Variants in HBS1L observed in about 807,000 individuals in gnomAD.
HBS1L encodes the protein HBS1 like translational GTPase.
HBS1L carries 55 observed loss-of-function variants against 88.9 expected under a neutral mutation model. The observed-to-expected ratio is 0.62, with a 90% CI of 0.50 to 0.77. HBS1L has a LOEUF of 0.77. HBS1L is among the 30% of genes least tolerant of loss of function. The pLI is 0.00. For missense variants in HBS1L, 741 were observed against 829.3 expected (o/e 0.89, Z 1.31); for synonymous variants, 267 against 288.5 (o/e 0.93, Z 0.76).
intron 4 of HBS1L, among the ~76,000 whole-genome samples, chr6:135,025,818 T>A (rs1374259148): frequency 6.6e-6 from 1 of 152,026 alleles, no homozygotes; most frequent in Non-Finnish European, 1.5e-5. Flanking sequence ...AAATACAGCC[T>A]CTGACAGAAG....
rs1400219784 is a variant in HBS1L, at chr6:134,982,731, TTAC to T, written c.1493-172_1493-170del. 3 of 405,510 alleles carry T rather than the reference TTAC, an allele frequency of 7.4e-6. No homozygotes were observed. The Admixed American group carries it at 1.3e-4, about 17-fold the overall frequency. The allele number at this position is 405,510 out of a possible 1,614,324, so 25.1% of individuals were successfully genotyped here. ...TCTACTAAATATGGCATACCACACT[TTAC>T]TTTTTTTTTTTGCAAATAAAAATAC... On this transcript the variant is annotated intron_variant, in intron 12 of 17. Transcript: ENST00000367837.
chr6:135,008,617 T>C (rs9389253), intron 4 of HBS1L, among the ~76,000 whole-genome samples: 72,027 of 151,992 alleles, frequency 0.47, 17,310 homozygotes, highest in South Asian at 0.56. Context: ...ATGTAGGTCT[T>C]TGGTCCTGAA....
chr6:135,052,464 C>T (rs560265671), intron 1 of HBS1L, among the ~76,000 whole-genome samples: 1 of 151,566 alleles, frequency 6.6e-6, no homozygotes, highest in Admixed American at 6.6e-5. Context: ...CCTAGCTACT[C>T]GGGAGGCTGA....
rs183857703 is a variant in HBS1L, at chr6:135,025,583, C to T, written c.430+13990G>A. 1.1e-4 allele frequency among the ~76,000 whole-genome samples: 17 copies of T among 152,144 alleles called. 1 individual carries two copies. The highest frequency in any genetic ancestry group is 5.9e-4 in the Admixed American group (9 of 15,276). On this transcript the variant is annotated intron_variant, in intron 4 of 17. Transcript: ENST00000367837. ...GCAAGTTCGAGAGTACAAGGTGGTC[C>T]GAGCTCAGTCACCACACCCCTCCCA... is the stretch of plus-strand genomic sequence containing the variant.
chr6:134,975,755 G>C (rs1774625054), intron 15 of HBS1L, among the ~76,000 whole-genome samples: 1 of 152,082 alleles, frequency 6.6e-6, no homozygotes. Flanking sequence ...CTCACTACAT[G>C]CAAGAGTTAA....
At chr6:134,981,000 A>G (rs1475432313) in intron 13 of HBS1L, among the ~76,000 whole-genome samples, 1 of 151,912 alleles carries the variant, frequency 6.6e-6, no homozygotes, top group African/African-American at 2.4e-5. Context: ...GGGGCTTCTG[A>G]TAAGACTTAC....
intron 2 of HBS1L, among the ~76,000 whole-genome samples, 189 bp from the exon 3 acceptor site, chr6:135,042,315 AATTT>A (rs1366880022): frequency 6.6e-6 from 1 of 152,106 alleles, no homozygotes; most frequent in Non-Finnish European, 1.5e-5. Context: ...AGGTGCTTAC[AATTT>A]ATTATTCTCT....
At chr6:134,968,878 C>T (rs943727541) in intron 16 of HBS1L, among the ~76,000 whole-genome samples, 7 of 152,032 alleles carry the variant, frequency 4.6e-5, no homozygotes, top group African/African-American at 1.4e-4. Context: ...AAGTTAAACA[C>T]GCAGTAGAAA....
chr6:134,965,012 C>T lies in HBS1L; in HGVS notation c.*267G>A. On this transcript the variant is annotated 3_prime_UTR_variant, in exon 18 of 18. Coordinates refer to ENST00000367837, the MANE Select transcript of HBS1L (RefSeq NM_006620.4). ...CTTCAGATACTATTTTTGACACTTG[C>T]CATAAATCTTAGCAAAGTAAATCCA... 2.0e-6 allele frequency: 1 copy of T among 494,590 alleles called. No individual in the cohort carries two copies. Among genetic ancestry groups the T allele is most frequent in the Non-Finnish European group, 3.6e-6 (1 of 278,358 alleles). The allele number at this position is 494,590 out of a possible 1,614,324, so 30.6% of individuals were successfully genotyped here.
rs1583046069 is a variant in HBS1L, at chr6:134,961,082, T to C, written c.*4197A>G. On this transcript the variant is annotated 3_prime_UTR_variant, in exon 18 of 18. Coordinates refer to ENST00000367837, the MANE Select transcript of HBS1L (RefSeq NM_006620.4). ...TCCATCTTTTGCTGTACAGACTTAG[T>C]TTCTTTGCTTTTTTTTTTTTTTTTT... 7.6e-6 allele frequency: 1 copy of C among 131,730 alleles called. No individual in the cohort carries two copies. Among genetic ancestry groups the C allele is most frequent in the South Asian group, 2.6e-4 (1 of 3,870 alleles). The allele number at this position is 131,730 out of a possible 1,614,324, so 8.2% of individuals were successfully genotyped here.
chr6:134,969,481 C>T (rs1265264586), intron 15 of HBS1L, 143 bp from the exon 16 acceptor site: 2 of 614,600 alleles, frequency 3.3e-6, no homozygotes, highest in Admixed American at 2.8e-5. Flanking sequence ...CTAAGTCCCA[C>T]CACTCTAATC....
In HBS1L at chr6:135,042,148, G is replaced by C. The variant is rs200553711; in HGVS notation, c.110-22C>G. ...GCAGCTAGAATATAAAATGATCAAA[G>C]AATGCTATGGTATAGCCATTTCCTA... is the stretch of plus-strand genomic sequence containing the variant. On this transcript the variant is annotated intron_variant, in intron 2 of 17. Coordinates refer to ENST00000367837, the MANE Select transcript of HBS1L (RefSeq NM_006620.4). The C allele has an allele frequency of 2.0e-4, 315 of 1,606,534 alleles. 1 individual carries two copies. The Middle Eastern group carries it at 4.1e-3, about 21-fold the overall frequency.
intron 2 of HBS1L, among the ~76,000 whole-genome samples, chr6:135,046,471 A>C (rs931469679): frequency 1.3e-5 from 2 of 152,208 alleles, no homozygotes; most frequent in African/African-American, 4.8e-5. Context: ...ATAAAGTTTT[A>C]TATGCAAACT....
chr6:135,000,640 T>C (rs1178450269), intron 5 of HBS1L, among the ~76,000 whole-genome samples: 1 of 151,772 alleles, frequency 6.6e-6, no homozygotes, highest in Admixed American at 6.6e-5. Flanking sequence ...TTATGCACTA[T>C]CCTTTTTTTT....
intron 1 of HBS1L, among the ~76,000 whole-genome samples, chr6:135,053,141 C>A (rs935154777): frequency 6.6e-6 from 1 of 152,094 alleles, no homozygotes; most frequent in African/African-American, 2.4e-5. Flanking sequence ...CAAGGTGCTC[C>A]CTGAGGCCAA....
intron 4 of HBS1L, among the ~76,000 whole-genome samples, chr6:135,021,270 A>G (rs1476111176): frequency 6.6e-6 from 1 of 152,138 alleles, no homozygotes; most frequent in Non-Finnish European, 1.5e-5. Flanking sequence ...AAAATGCTAC[A>G]TAATTCTAGA....
Position 134,965,173 on chromosome 6 carries a change from A to G in HBS1L, c.*106T>C. The G allele has an allele frequency of 1.1e-6, 1 of 947,208 alleles. No homozygotes were observed. Among genetic ancestry groups the G allele is most frequent in the Non-Finnish European group, 1.7e-6 (1 of 586,272 alleles). The allele number at this position is 947,208 out of a possible 1,614,324, so 58.7% of individuals were successfully genotyped here. On this transcript the variant is annotated 3_prime_UTR_variant, in exon 18 of 18. Coordinates refer to ENST00000367837, the MANE Select transcript of HBS1L (RefSeq NM_006620.4). ...TAGCTTTAATTTTTCTCTCTCATCT[A>G]AAAACATATCAATTGCACATTGTTC...
chr6:135,036,881 TCCCTAGC>T, intron 4 of HBS1L: 1 of 1,551,672 alleles, frequency 6.4e-7, no homozygotes, highest in East Asian at 2.4e-5. Context: ...TTGGAATTCT[TCCCTAGC>T]TTTGAACTTA....
intron 2 of HBS1L, among the ~76,000 whole-genome samples, chr6:135,046,268 T>C (rs1457887221): frequency 2.0e-5 from 3 of 152,122 alleles, no homozygotes; most frequent in African/African-American, 4.8e-5. Context: ...TTACCCACAG[T>C]ACTGTTGTAG....
Sources: gnomAD v4.1 joint callset for allele counts (sites outside exome capture counted in the v4.1 genomes callset) on GRCh38, gnomAD v4.1.1 for gene constraint, MANE v1.5 for transcripts, NCBI Gene and HGNC (gene_info 2026-07-23, HGNC 2026-07-21) for gene names.